Variants in LARGE1 observed in about 807,000 individuals in gnomAD.
LARGE1 encodes xylosyl- and glucuronyltransferase LARGE1.
LARGE1 carries 43 observed loss-of-function variants against 87.6 expected under a neutral mutation model. That is an observed-to-expected ratio of 0.49 (90% confidence interval 0.38 to 0.63). The LOEUF (loss-of-function observed/expected upper bound fraction) is 0.63. Ranked by LOEUF, LARGE1 falls within the 30% of genes least tolerant of loss-of-function variation. LARGE1 has a pLI of 0.00. For synonymous variants in LARGE1, 434 were observed against 394.6 expected (o/e 1.10, Z -1.18); for missense variants, 802 against 1,000.2 (o/e 0.80, Z 2.67).
At chr22:33,661,246 C>T (rs565289752) in intron 2 of LARGE1, among the ~76,000 whole-genome samples, 3 of 146,856 alleles carry the variant, frequency 2.0e-5, no homozygotes, top group East Asian at 2.0e-4. Context: ...GCCAGGGTCT[C>T]GCTCTGTTGC....
chr22:33,102,499 C>T, the LARGE1 span, among the ~76,000 whole-genome samples: 15 of 149,414 alleles, frequency 1.0e-4, no homozygotes, highest in African/African-American at 3.0e-4. Flanking sequence ...TCCTTTTTTT[C>T]TTTCTTTCTG....
At chr22:33,731,682 G>A (rs955772664) in intron 2 of LARGE1, among the ~76,000 whole-genome samples, 17 of 152,110 alleles carry the variant, frequency 1.1e-4, no homozygotes, top group African/African-American at 3.9e-4. Flanking sequence ...CGTAGACTTC[G>A]AAGTTTGCTG....
intron 6 of LARGE1, among the ~76,000 whole-genome samples, chr22:33,445,251 A>G (rs567897414): frequency 6.6e-6 from 1 of 152,250 alleles, no homozygotes; most frequent in African/African-American, 2.4e-5. Context: ...GTGAGGTGAC[A>G]AGGGGTCAGG....
At chr22:33,748,867 A>G (rs2084202665) in intron 2 of LARGE1, among the ~76,000 whole-genome samples, 1 of 152,198 alleles carries the variant, frequency 6.6e-6, no homozygotes, top group Non-Finnish European at 1.5e-5. Flanking sequence ...CCCCTTTCTA[A>G]TGCCTGAAGA....
chr22:33,828,377 A>G (rs1169070466), intron 1 of LARGE1, among the ~76,000 whole-genome samples: 2 of 152,112 alleles, frequency 1.3e-5, no homozygotes, highest in African/African-American at 2.4e-5. Context: ...TAAACAAGGA[A>G]GGAGATGGTC....
intron 11 of LARGE1, among the ~76,000 whole-genome samples, chr22:33,197,171 T>C (rs1427603675): frequency 6.7e-6 from 1 of 148,980 alleles, no homozygotes; most frequent in African/African-American, 2.5e-5. Flanking sequence ...GCTACAAAAA[T>C]CCCACTGCCA....
chr22:33,139,073 A>T, the LARGE1 span, among the ~76,000 whole-genome samples: 2 of 152,150 alleles, frequency 1.3e-5, no homozygotes, highest in Admixed American at 1.3e-4. Flanking sequence ...TCCATGTAAG[A>T]CATGACATGC....
At chr22:33,893,850 C>A (rs563556797) in intron 1 of LARGE1, among the ~76,000 whole-genome samples, 1 of 152,190 alleles carries the variant, frequency 6.6e-6, no homozygotes, top group East Asian at 1.9e-4. Context: ...AAAAGGCAGT[C>A]CATGCAGGCC....
intron 11 of LARGE1, among the ~76,000 whole-genome samples, chr22:33,195,427 G>T (rs901556223): frequency 1.3e-5 from 2 of 151,828 alleles, no homozygotes; most frequent in African/African-American, 4.8e-5. Flanking sequence ...GGCTATATTT[G>T]GGGTCATAAA....
At chr22:33,880,625 C>G (rs2064649630) in intron 1 of LARGE1, among the ~76,000 whole-genome samples, 1 of 152,152 alleles carries the variant, frequency 6.6e-6, no homozygotes, top group South Asian at 2.1e-4. Context: ...GCAGAGCCAC[C>G]CCACACAAAT....
chr22:33,118,882 G>A, the LARGE1 span, among the ~76,000 whole-genome samples: 3 of 152,124 alleles, frequency 2.0e-5, no homozygotes, highest in East Asian at 5.8e-4. Flanking sequence ...TTTCCCCTGT[G>A]GGAGGAGGCA....
rs140085713 is a variant in LARGE1 at position 33,590,786 on chromosome 22, T to C, written c.615+13649A>G. Among the ~76,000 whole-genome samples the C allele has an allele frequency of 8.0e-3, 1,212 of 152,342 alleles. 8 individuals are homozygous for C. Among genetic ancestry groups the C allele is most frequent in the Non-Finnish European group, 0.013 (870 of 68,034 alleles). On this transcript the variant is annotated intron_variant, in intron 5 of 14. Transcript: ENST00000397394. ...TCAGCTGACAGTCAGTGAAGTCCTA[T>C]GAATAAAGCTGCCACGAATATCCAC...
intron 5 of LARGE1, among the ~76,000 whole-genome samples, chr22:33,595,126 G>C (rs1184938112): frequency 1.3e-5 from 2 of 152,148 alleles, no homozygotes; most frequent in Admixed American, 6.5e-5. Flanking sequence ...AGGACAGAAT[G>C]AAAGTAGGTA....
chr22:33,568,859 CATGGATGGATGGATGG>C (rs560703342), intron 5 of LARGE1, among the ~76,000 whole-genome samples: 1 of 150,366 alleles, frequency 6.7e-6, no homozygotes. Context: ...TGGATGAATG[CATGGATGGATGGATGG>C]ATGGATGGAT....
intron 11 of LARGE1, among the ~76,000 whole-genome samples, chr22:33,202,212 C>T (rs556209838): frequency 2.0e-5 from 3 of 152,120 alleles, no homozygotes; most frequent in East Asian, 1.9e-4. Context: ...GACACTAGAA[C>T]AGAGAAAGAG....
the LARGE1 span, among the ~76,000 whole-genome samples, chr22:33,101,171 G>A: frequency 1.9e-4 from 29 of 152,074 alleles, no homozygotes; most frequent in Admixed American, 1.2e-3. Flanking sequence ...ACATCCATTC[G>A]TGGTCTTATT....
chr22:33,835,064 A>C (rs1348406005), intron 1 of LARGE1, among the ~76,000 whole-genome samples: 1 of 152,200 alleles, frequency 6.6e-6, no homozygotes, highest in African/African-American at 2.4e-5. Flanking sequence ...GTTTCTCTTC[A>C]CCCAGATGAG....
chr22:33,382,373 C>T (rs2065187662), intron 8 of LARGE1, among the ~76,000 whole-genome samples: 1 of 152,176 alleles, frequency 6.6e-6, no homozygotes, highest in South Asian at 2.1e-4. Context: ...AAGTCTCCTT[C>T]CCCTCTGGCC....
intron 6 of LARGE1, among the ~76,000 whole-genome samples, chr22:33,508,587 C>A (rs978801421): frequency 3.9e-5 from 6 of 152,296 alleles, no homozygotes; most frequent in South Asian, 2.1e-4. Context: ...TCTCATTCAA[C>A]AATTTGTCAT....
Sources: gnomAD v4.1 joint callset for allele counts (sites outside exome capture counted in the v4.1 genomes callset) on GRCh38, gnomAD v4.1.1 for gene constraint, MANE v1.5 for transcripts, NCBI Gene and HGNC (gene_info 2026-07-23, HGNC 2026-07-21) for gene names.